Variants in TPST2 observed in about 807,000 individuals in gnomAD.
TPST2 encodes tyrosylprotein sulfotransferase 2.
In TPST2, 16 loss-of-function variants were observed where a neutral mutation model predicts 27.8. The observed-to-expected ratio is 0.58, with a 90% CI of 0.39 to 0.88. TPST2 has a LOEUF of 0.88. TPST2 is among the 40% of genes least tolerant of loss of function. TPST2 has a pLI of 0.00. For synonymous variants in TPST2, 229 were observed against 231.7 expected (o/e 0.99, Z 0.10); for missense variants, 464 against 543.1 (o/e 0.85, Z 1.45).
At chr22:26,549,053 A>T (rs1437595518) in intron 1 of TPST2, among the ~76,000 whole-genome samples, 2 of 152,208 alleles carry the variant, frequency 1.3e-5, no homozygotes, top group Non-Finnish European at 2.9e-5. Context: ...CACCTCCTAG[A>T]AGGGCACTTT....
intron 1 of TPST2, among the ~76,000 whole-genome samples, chr22:26,545,809 G>A (rs1430185490): frequency 3.3e-5 from 5 of 152,180 alleles, no homozygotes; most frequent in Admixed American, 3.3e-4. Context: ...GCCTGGGGTG[G>A]TGGCTCACGC....
At chr22:26,529,498 A>ACTC (rs1925031996) in intron 5 of TPST2, among the ~76,000 whole-genome samples, 2 of 152,066 alleles carry the variant, frequency 1.3e-5, no homozygotes, top group South Asian at 4.2e-4. Context: ...GAGAGGGGAG[A>ACTC]GGGTCTAGGG....
At chr22:26,582,511 T>G (rs1195934275) in intron 1 of TPST2, among the ~76,000 whole-genome samples, 1 of 152,194 alleles carries the variant, frequency 6.6e-6, no homozygotes, top group Non-Finnish European at 1.5e-5. Context: ...CATGTTAAGA[T>G]CTGAGAGGCC....
At chr22:26,567,406 T>A (rs1029130500) in intron 1 of TPST2, among the ~76,000 whole-genome samples, 3 of 152,222 alleles carry the variant, frequency 2.0e-5, no homozygotes, top group Non-Finnish European at 4.4e-5. Context: ...AGGGATGACT[T>A]AGGTTGAAAG....
At chr22:26,580,137 G>A (rs913922362) in intron 1 of TPST2, among the ~76,000 whole-genome samples, 4 of 152,064 alleles carry the variant, frequency 2.6e-5, no homozygotes, top group African/African-American at 9.7e-5. Flanking sequence ...CCAGCTACTC[G>A]AGAGGCTGAG....
intron 1 of TPST2, among the ~76,000 whole-genome samples, chr22:26,569,990 A>AAAG (rs1569193768): frequency 1.3e-3 from 7 of 5,200 alleles, no homozygotes; most frequent in African/African-American, 4.6e-3. Context: ...GAAAAGAAAG[A>AAAG]AAAAGAAAGA....
At chr22:26,589,458 T>C (rs1036990280) in intron 1 of TPST2, among the ~76,000 whole-genome samples, 7 of 149,492 alleles carry the variant, frequency 4.7e-5, no homozygotes, top group African/African-American at 1.2e-4. Flanking sequence ...CGGAGGGAGG[T>C]TGGGGGTTGG....
chr22:26,541,755 C>T lies in TPST2; in HGVS notation c.-88-37G>A. ...GGGGGACATGCATAGTCAGGGAGGT[C>T]TGTGAGCTGTGAGCTCTCCAATAAC... On this transcript the variant is annotated intron_variant, in intron 2 of 6. Coordinates refer to ENST00000338754, the MANE Select transcript of TPST2 (RefSeq NM_003595.5). The surrounding 1 kb of genome is among the most constrained non-coding windows in gnomAD (Gnocchi z 5.9). 3 of 1,427,814 alleles carry T rather than the reference C, an allele frequency of 2.1e-6. No homozygotes were observed. Among genetic ancestry groups the T allele is most frequent in the South Asian group, 1.5e-5 (1 of 67,236 alleles). The allele number at this position is 1,427,814 out of a possible 1,614,324, so 88.4% of individuals were successfully genotyped here.
At chr22:26,585,564 G>A (rs990547164) in intron 1 of TPST2, among the ~76,000 whole-genome samples, 6 of 152,156 alleles carry the variant, frequency 3.9e-5, no homozygotes, top group East Asian at 1.9e-4. Flanking sequence ...GCAAGCAATC[G>A]GAATAGGCAG....
In TPST2 at chr22:26,536,484, A is replaced by G. The variant is rs1437688970; in HGVS notation, c.845T>C (p.Ile282Thr). 6.6e-7 allele frequency: 1 copy of G among 1,522,232 alleles called. No homozygotes were observed. Among genetic ancestry groups the G allele is most frequent in the East Asian group, 2.3e-5 (1 of 44,058 alleles). 94.3% of individuals were successfully genotyped at this position (1,522,232 alleles called of 1,614,324 possible). A position where few individuals can be genotyped will look rare whatever the true frequency, so the allele number is the denominator to read the frequency against. ...GATGACCTGGTCCGTGGACCGCTCG[A>G]TCCTGGGGAGAGAGGAGACGCTGGA... ...GKPGGVSLSK[I>T]ERSTDQVIKP... The change falls in exon 4 of 7, where the codon ATC becomes ACC. Residue 282 changes from isoleucine (I) to threonine (T), a missense_variant and splice_region_variant. By Grantham distance (89) the Ile-to-Thr change is moderately conservative (BLOSUM62 -1). Coordinates refer to ENST00000338754, the MANE Select transcript of TPST2 (RefSeq NM_003595.5).
At chr22:26,528,131 G>A in intron 6 of TPST2, 83 bp downstream of exon 6, 1 of 1,501,670 alleles carries the variant, frequency 6.7e-7, no homozygotes. Context: ...GGCTCTGGAA[G>A]GACAGAAAAG....
At chr22:26,571,746 T>C (rs765222759) in intron 1 of TPST2, among the ~76,000 whole-genome samples, 5 of 152,170 alleles carry the variant, frequency 3.3e-5, no homozygotes, top group Non-Finnish European at 5.9e-5. Flanking sequence ...GAGCTTGGTT[T>C]CTCTTCCAGG....
chr22:26,562,131 G>A (rs182759495), intron 1 of TPST2, among the ~76,000 whole-genome samples: 2 of 152,306 alleles, frequency 1.3e-5, no homozygotes, highest in African/African-American at 2.4e-5. Context: ...GCGGCCCGGC[G>A]GGGGCCACAG....
intron 1 of TPST2, among the ~76,000 whole-genome samples, chr22:26,579,880 T>C (rs1602305102): frequency 8.7e-6 from 1 of 114,792 alleles, no homozygotes; most frequent in Admixed American, 1.1e-4. Flanking sequence ...ACAGAAAGAG[T>C]GACAGAGACA....
At chr22:26,549,561 G>A (rs1163936912) in intron 1 of TPST2, among the ~76,000 whole-genome samples, 1 of 150,840 alleles carries the variant, frequency 6.6e-6, no homozygotes, top group African/African-American at 2.4e-5. Flanking sequence ...GGAGGCTGAG[G>A]CAGAGGAATC....
Position 26,525,225 on chromosome 22 carries a change from TTTTTC to T in TPST2, c.*1045_*1049del, listed in dbSNP as rs1924762934. 6.6e-6 allele frequency: 1 copy of T among 152,156 alleles called. No individual in the cohort carries two copies. The highest frequency in any genetic ancestry group is 1.5e-5 in the Non-Finnish European group (1 of 68,048). 9.4% of individuals were successfully genotyped at this position (152,156 alleles called of 1,614,324 possible). A position where few individuals can be genotyped will look rare whatever the true frequency, so the allele number is the denominator to read the frequency against. On this transcript the variant is annotated 3_prime_UTR_variant, in exon 7 of 7. Transcript: ENST00000338754. ...TCTCCCGGACTCTGCCCTATGCACC[TTTTTC>T]TTTTGTTGATTTTATTTTGAGATGG...
intron 1 of TPST2, among the ~76,000 whole-genome samples, chr22:26,584,388 G>A (rs1473924466): frequency 6.6e-6 from 1 of 152,134 alleles, no homozygotes; most frequent in African/African-American, 2.4e-5. Flanking sequence ...ACAGAGGGAT[G>A]GAGAGCGGAT....
At position 26,541,297 on chromosome 22, in the gene TPST2, C is replaced by A. The variant is rs142901851; in HGVS notation, c.334G>T (p.Ala112Ser). The A allele has an allele frequency of 6.5e-7, 1 of 1,542,570 alleles. No individual in the cohort carries two copies. Among genetic ancestry groups the A allele is most frequent in the Admixed American group, 1.9e-5 (1 of 51,408 alleles). ...IIPRVLAMRQ[A>S]WSKSGREKLR... is the part of the protein sequence containing the mutation. ...TTCTCACGGCCAGACTTGGACCAGG[C>A]CTGGCGCATGGCCAGCACGCGCGGG... is the stretch of plus-strand genomic sequence containing the variant. The change falls in exon 3 of 7, where the codon GCC (alanine) becomes TCC (serine). Residue 112 changes from alanine to serine, a missense_variant. Coordinates refer to ENST00000338754, the MANE Select transcript of TPST2 (RefSeq NM_003595.5). This position sits in a 1 kb window ranked among gnomAD's most constrained non-coding sequence, Gnocchi z 5.9.
intron 1 of TPST2, among the ~76,000 whole-genome samples, chr22:26,562,376 G>A (rs9613214): frequency 0.39 from 59,188 of 152,046 alleles, 11,789 homozygotes; most frequent in East Asian, 0.52. Context: ...TGTGCTGAAC[G>A]TTCCAGGTGT....
Sources: allele counts gnomAD v4.1 joint callset (sites outside exome capture counted in the v4.1 genomes callset), GRCh38; gene constraint gnomAD v4.1.1; non-coding constraint Gnocchi (gnomAD v3.1); transcripts MANE v1.5; gene names NCBI Gene and HGNC (gene_info 2026-07-23, HGNC 2026-07-21).